Variants in ATR observed in about 807,000 individuals in gnomAD.
ATR encodes serine/threonine-protein kinase ATR.
A neutral mutation model predicts 305.3 loss-of-function variants in ATR; 142 were observed. That is an observed-to-expected ratio of 0.47 (90% CI 0.41 to 0.53). ATR has a LOEUF of 0.53. Among genes scored for constraint, ATR ranks in the 20% least tolerant of loss-of-function variants. The probability of loss-of-function intolerance (pLI) is 0.00; values close to 1 mark genes in which losing one functional copy is unlikely to be tolerated. For synonymous variants in ATR, 1,050 were observed against 1,068.1 expected, an observed-to-expected ratio of 0.98 and a Z score of 0.33; for missense variants, 2,135 against 3,133.1, an observed-to-expected ratio of 0.68 and a Z score of 7.60.
chr3:142,556,115 G>T lies in ATR; in HGVS notation c.2103C>A (p.Asp701Glu), dbSNP rs772310828. Residue 701 changes from aspartate to glutamate, a missense_variant, in exon 10 of 47, where the codon GAC (aspartate) becomes GAA (glutamate). Around this residue, in one of 9 missense-constraint regions of ATR, gnomAD observed 744 missense variants for 873.2 expected, o/e 0.85. Transcript: ENST00000350721. ...ILIDKVKDDSDIVKKEFASIL... is the reference protein window; with the variant it reads ...ILIDKVKDDSEIVKKEFASIL... The stretch of plus-strand genomic sequence containing the variant: ...TAGAAGCAAATTCTTTCTTGACAAT[G>T]TCAGAATCATCTTTGACTTTATCTC... The T allele has an allele frequency of 1.9e-6, 3 of 1,612,752 alleles. No homozygotes were observed. The East Asian group carries it at 6.7e-5, about 36-fold the overall frequency.
intron 36 of ATR, among the ~76,000 whole-genome samples, chr3:142,474,130 T>C (rs558920852): frequency 1.2e-4 from 19 of 152,090 alleles, no homozygotes; most frequent in African/African-American, 4.6e-4. Context: ...TTTCACTATG[T>C]TGGCCAGGCT....
At chr3:142,462,229 T>C (rs2071036423) in intron 41 of ATR, 139 bp from the exon 42 acceptor site, 1 of 805,508 alleles carries the variant, frequency 1.2e-6, no homozygotes, top group African/African-American at 1.7e-5. Context: ...ACATGAATAA[T>C]TCTTCTGAAT....
intron 4 of ATR, among the ~76,000 whole-genome samples, chr3:142,561,944 G>T (rs1232327543): frequency 6.6e-6 from 1 of 152,094 alleles, no homozygotes; most frequent in Non-Finnish European, 1.5e-5. Flanking sequence ...GTTGGTAACT[G>T]CCCCCTTTTA....
At position 142,512,468 on chromosome 3, in the gene ATR, A is replaced by C. The variant is rs1242517223; in HGVS notation, c.4644T>G (p.Val1548=). 1.9e-6 allele frequency: 3 copies of C among 1,592,702 alleles called. No homozygotes were observed. Among genetic ancestry groups the C allele is most frequent in the Non-Finnish European group, 1.7e-6 (2 of 1,161,872 alleles). ...TTAGAACTGCCATAATTTCTGCATAAACCTATGAGAATCATTTATAATTAA... is the reference window on the plus strand; with the variant it reads ...TTAGAACTGCCATAATTTCTGCATACACCTATGAGAATCATTTATAATTAA... The part of the protein sequence containing the change: ...LGCNQEDQQE[V]YAEIMAVLKH... Residue 1548 remains valine, a splice_region_variant and synonymous_variant, in exon 27 of 47, where the codon GTT becomes GTG. Transcript: ENST00000350721.
chr3:142,451,276 C>G, intron 46 of ATR: 1 of 1,206,528 alleles, frequency 8.3e-7, no homozygotes, highest in East Asian at 5.5e-5. Context: ...CTGAGAGAAA[C>G]AAACAGGGCC....
At position 142,538,562 on chromosome 3, in the gene ATR, T is replaced by A. The variant is rs2108432617; in HGVS notation, c.3645A>T (p.Val1215=). 6.2e-7 allele frequency: 1 copy of A among 1,613,572 alleles called. No individual in the cohort carries two copies. The highest frequency in any genetic ancestry group is 8.5e-7 in the Non-Finnish European group (1 of 1,179,654). Residue 1215 remains valine, a synonymous_variant, in exon 19 of 47, where the codon GTA becomes GTT. Transcript: ENST00000350721. ...HACLGSLLSH[V]IVALLPLIHI... ...GTATAAGAGGTAACAAAGCTACTAT[T>A]ACATGACTGAGAAGGGAGCCCAGAC... is the stretch of plus-strand genomic sequence containing the variant.
chr3:142,560,563 A>ATT, intron 5 of ATR, 109 bp from the exon 6 acceptor site: 4 of 1,151,608 alleles, frequency 3.5e-6, no homozygotes, highest in Middle Eastern at 2.9e-4. Context: ...TATTCAAAAA[A>ATT]ATTTTTTTTT....
At chr3:142,469,984 T>G in intron 37 of ATR, 102 bp downstream of exon 37, 1 of 881,674 alleles carries the variant, frequency 1.1e-6, no homozygotes, top group Non-Finnish European at 1.8e-6. Flanking sequence ...AATTATCAAA[T>G]TCATTCCAAG....
chr3:142,459,473 A>G, intron 42 of ATR, 90 bp from the exon 43 acceptor site: 1 of 1,387,688 alleles, frequency 7.2e-7, no homozygotes, highest in South Asian at 1.2e-5. Flanking sequence ...AGAAACATCT[A>G]CTTTTATTCA....
At position 142,568,129 on chromosome 3, in the gene ATR, C is replaced by T. The variant is rs746600246; in HGVS notation, c.85G>A (p.Val29Ile). 9.3e-6 allele frequency: 15 copies of T among 1,612,428 alleles called. No individual in the cohort carries two copies. The highest frequency in any genetic ancestry group is 1.3e-5 in the Non-Finnish European group (15 of 1,178,714). ...AGAATTTGTCTTGGCTTCTGTACAACTGTATTATATTCCTCTGGTGTGGCA... is the reference window on the plus strand; with the variant it reads ...AGAATTTGTCTTGGCTTCTGTACAATTGTATTATATTCCTCTGGTGTGGCA... The part of the protein sequence containing the change: ...GSATPEEYNT[V>I]VQKPRQILCQ... The change falls in exon 2 of 47, where the codon GTT becomes ATT. Residue 29 changes from valine to isoleucine, a missense_variant. Around this residue, in one of 9 missense-constraint regions of ATR, gnomAD observed 744 missense variants for 873.2 expected, o/e 0.85. Coordinates refer to ENST00000350721, the MANE Select transcript of ATR (RefSeq NM_001184.4).
At position 142,508,059 on chromosome 3, in the gene ATR, G is replaced by A. The variant is rs748561484; in HGVS notation, c.4903C>T (p.Leu1635Phe). Residue 1635 changes from leucine (L) to phenylalanine (F), a missense_variant, in exon 28 of 47, where the codon CTC (leucine) becomes TTC (phenylalanine). Transcript: ENST00000350721. ...DYQSVTRFLD[L>F]IPQDTLAVAS... is the part of the protein sequence containing the mutation. Reference sequence around the variant, plus strand: ...ACTGCCAGAGTATCCTGGGGTATGAGGTCTAGAAAACGGGTTACACTCTGA... The same window carrying A: ...ACTGCCAGAGTATCCTGGGGTATGAAGTCTAGAAAACGGGTTACACTCTGA... 1 of 1,612,992 alleles carries A rather than the reference G, an allele frequency of 6.2e-7. No individual in the cohort carries two copies. The highest frequency in any genetic ancestry group is 8.5e-7 in the Non-Finnish European group (1 of 1,179,704).
intron 20 of ATR, 133 bp downstream of exon 20, chr3:142,535,975 C>A: frequency 1.5e-6 from 1 of 673,702 alleles, no homozygotes; most frequent in South Asian, 1.8e-5. Context: ...TATCTACTCA[C>A]CAGGAATTAG....
At chr3:142,526,890 G>A (rs2033415172) in intron 21 of ATR, among the ~76,000 whole-genome samples, 1 of 151,906 alleles carries the variant, frequency 6.6e-6, no homozygotes, top group Admixed American at 6.6e-5. Flanking sequence ...CCCAGGCCAA[G>A]GTGATCCTCC....
intron 25 of ATR, among the ~76,000 whole-genome samples, chr3:142,514,401 G>A (rs1486774351): frequency 1.3e-5 from 2 of 151,870 alleles, no homozygotes; most frequent in Non-Finnish European, 2.9e-5. Flanking sequence ...GGGCAGAGGC[G>A]GGCAGATCAC....
chr3:142,519,608 C>T (rs1049337546), intron 24 of ATR, 61 bp downstream of exon 24: 16 of 1,429,500 alleles, frequency 1.1e-5, no homozygotes, highest in East Asian at 2.5e-5. Flanking sequence ...CCAAAAAAAT[C>T]GCATTATTTT....
At chr3:142,553,122 AAAAAG>A in intron 13 of ATR, 100 bp downstream of exon 13, 1 of 1,411,466 alleles carries the variant, frequency 7.1e-7, no homozygotes, top group Non-Finnish European at 9.7e-7. Flanking sequence ...AAATTGAAGA[AAAAAG>A]AAAAGCAAGC....
chr3:142,451,560 TATG>T, intron 46 of ATR: 2 of 1,329,912 alleles, frequency 1.5e-6, no homozygotes, highest in Non-Finnish European at 2.0e-6. Context: ...CACTTGTCTG[TATG>T]CTTCATCCCA....
chr3:142,543,452 C>A (rs2034136169), intron 16 of ATR, among the ~76,000 whole-genome samples: 2 of 146,960 alleles, frequency 1.4e-5, no homozygotes, highest in Non-Finnish European at 3.0e-5. Flanking sequence ...CTTCCTCCCT[C>A]CTTTCCTCCC....
chr3:142,515,566 A>G, intron 24 of ATR, 51 bp from the exon 25 acceptor site: 1 of 1,528,010 alleles, frequency 6.5e-7, no homozygotes. Context: ...CCTGTTTAGA[A>G]TTTTAGTAAA....
Sources: gnomAD v4.1 joint callset for allele counts (sites outside exome capture counted in the v4.1 genomes callset) on GRCh38, gnomAD v4.1.1 for gene constraint, gnomAD v4.1.1 regional missense constraint, MANE v1.5 for transcripts, NCBI Gene and HGNC (gene_info 2026-07-23, HGNC 2026-07-21) for gene names.